LPP: variants seen among roughly 807,000 people sequenced by gnomAD.
LPP encodes the protein LIM domain containing preferred translocation partner in lipoma.
In LPP, 38 loss-of-function variants were observed where a neutral mutation model predicts 60.4. The observed-to-expected ratio is 0.63, with a 90% CI of 0.49 to 0.83. LPP has a LOEUF of 0.83. Among genes scored for constraint, LPP ranks in the 40% least tolerant of loss-of-function variants. LPP has a pLI of 0.00. For missense variants in LPP, 902 were observed against 783.6 expected, an observed-to-expected ratio of 1.15 and a Z score of -1.80; for synonymous variants, 328 against 290.8, an observed-to-expected ratio of 1.13 and a Z score of -1.30.
intron 4 of LPP, among the ~76,000 whole-genome samples, chr3:188,471,331 G>A (rs551936562): frequency 3.0e-4 from 45 of 152,242 alleles, no homozygotes; most frequent in African/African-American, 1.1e-3. Flanking sequence ...AGCAACAGTT[G>A]TATCAAATAC....
intron 1 of LPP, among the ~76,000 whole-genome samples, 29 bp downstream of exon 1, chr3:188,154,281 A>T (rs1451304738): frequency 2.7e-5 from 4 of 149,260 alleles, no homozygotes; most frequent in Non-Finnish European, 6.0e-5. Context: ...CCTTCCCCTC[A>T]CCCTCCACCC....
chr3:188,554,832 A>T (rs1829077538), intron 6 of LPP, among the ~76,000 whole-genome samples: 1 of 152,284 alleles, frequency 6.6e-6, no homozygotes, highest in East Asian at 1.9e-4. Context: ...TTGAAGACTT[A>T]TTGGGTGGCA....
intron 7 of LPP, among the ~76,000 whole-genome samples, chr3:188,680,103 A>C (rs1434622712): frequency 1.3e-5 from 2 of 152,184 alleles, no homozygotes; most frequent in African/African-American, 4.8e-5. Flanking sequence ...ATTTTGAAAA[A>C]TTGCTATTTT....
intron 5 of LPP, among the ~76,000 whole-genome samples, chr3:188,484,952 T>C (rs1805903814): frequency 6.6e-6 from 1 of 152,206 alleles, no homozygotes. Flanking sequence ...CTACTAATTT[T>C]GTTTCAGATC....
rs1327616498 is a variant in LPP at position 188,610,600 on chromosome 3, A to G, written c.1113+756A>G. 6.6e-6 allele frequency among the ~76,000 whole-genome samples: 1 copy of G among 152,248 alleles called. No individual in the cohort carries two copies. The highest frequency in any genetic ancestry group is 1.9e-4 in the East Asian group (1 of 5,204). ...TGTTTAAAAACTCCTTATGAGTGACAGTTACTTCTTATTTGATTTAATTGT... is the reference window on the plus strand; with the variant it reads ...TGTTTAAAAACTCCTTATGAGTGACGGTTACTTCTTATTTGATTTAATTGT... On this transcript the variant is annotated intron_variant, in intron 7 of 11. Transcript: ENST00000617246. The surrounding 1 kb of genome is among the most constrained non-coding windows in gnomAD (Gnocchi z 4.4).
intron 9 of LPP, among the ~76,000 whole-genome samples, chr3:188,830,541 G>A (rs1195409275): frequency 6.6e-6 from 1 of 151,784 alleles, no homozygotes; most frequent in South Asian, 2.1e-4. Context: ...GGAGGCAGAG[G>A]TTGCAGTGAG....
intron 4 of LPP, among the ~76,000 whole-genome samples, chr3:188,407,660 T>C (rs947590934): frequency 2.0e-5 from 3 of 152,252 alleles, no homozygotes; most frequent in African/African-American, 7.2e-5. Flanking sequence ...GAACTGGCTT[T>C]CTTTGACTCA....
At position 188,878,715 on chromosome 3, in the gene LPP, T is replaced by C. The variant is rs547566178; in HGVS notation, c.*4236T>C. 237 of 160,602 alleles carry C rather than the reference T, an allele frequency of 1.5e-3. 1 individual carries two copies. Among genetic ancestry groups the C allele is most frequent in the African/African-American group, 7.5e-3 (233 of 31,220 alleles). 9.9% of individuals were successfully genotyped at this position (160,602 alleles called of 1,614,324 possible). ...ACTGAAGAGTCAATGATGTAAATGA[T>C]AACCACCAAATCTCAAAAATATACT... On this transcript the variant is annotated 3_prime_UTR_variant, in exon 12 of 12. Coordinates refer to ENST00000617246, the MANE Select transcript of LPP (RefSeq NM_001375462.1).
intron 7 of LPP, among the ~76,000 whole-genome samples, chr3:188,697,097 TTGTC>T (rs1327387170): frequency 6.6e-6 from 1 of 152,214 alleles, no homozygotes; most frequent in Non-Finnish European, 1.5e-5. Flanking sequence ...CTTAGGCACT[TTGTC>T]TGCCTCCCTG....
At chr3:188,659,738 A>G (rs1854136301) in intron 7 of LPP, among the ~76,000 whole-genome samples, 1 of 152,050 alleles carries the variant, frequency 6.6e-6, no homozygotes, top group Non-Finnish European at 1.5e-5. Flanking sequence ...CCCATTGTGC[A>G]TATGAATATT....
At chr3:188,240,753 A>G (rs557826638) in intron 2 of LPP, among the ~76,000 whole-genome samples, 3 of 152,252 alleles carry the variant, frequency 2.0e-5, no homozygotes, top group Middle Eastern at 3.4e-3. Flanking sequence ...TGGGAGGAGC[A>G]TGGCAAGGGA....
At chr3:188,625,194 T>G (rs1020709620) in intron 7 of LPP, among the ~76,000 whole-genome samples, 2 of 152,138 alleles carry the variant, frequency 1.3e-5, no homozygotes, top group Non-Finnish European at 2.9e-5. Flanking sequence ...GATGGGAAAT[T>G]CATTGATATT....
chr3:188,717,408 GC>G (rs1271267945), intron 8 of LPP, among the ~76,000 whole-genome samples: 1 of 152,192 alleles, frequency 6.6e-6, no homozygotes, highest in Non-Finnish European at 1.5e-5. Context: ...TTTCCAAAGT[GC>G]TTCTATCAAT....
intron 6 of LPP, among the ~76,000 whole-genome samples, chr3:188,596,084 T>G (rs959985175): frequency 6.6e-6 from 1 of 152,156 alleles, no homozygotes; most frequent in Non-Finnish European, 1.5e-5. Flanking sequence ...TAGACATGGA[T>G]TTGGCACAGG....
At chr3:188,455,738 T>C (rs1797592090) in intron 4 of LPP, among the ~76,000 whole-genome samples, 1 of 152,130 alleles carries the variant, frequency 6.6e-6, no homozygotes, top group Non-Finnish European at 1.5e-5. Flanking sequence ...TCTCAGTACT[T>C]ACCCTATAAA....
Position 188,563,474 on chromosome 3 carries a change from G to GTGTGTGTGTGTGTGTGTGTGTGTT in LPP, c.429+38699_429+38700insTGTGTGTGTGTTTGTGTGTGTGTG, listed in dbSNP as rs1553929590. On this transcript the variant is annotated intron_variant, in intron 6 of 11. Transcript: ENST00000617246. ...TTTACATATATATGTGTGTGTGTGT[G>GTGTGTGTGTGTGTGTGTGTGTGTT]TGTGTGTGTGTGGTATATTATCTAT... Among the ~76,000 whole-genome samples, 4 of 149,028 alleles carry GTGTGTGTGTGTGTGTGTGTGTGTT rather than the reference G, an allele frequency of 2.7e-5. No individual in the cohort carries two copies. In the East Asian group the frequency reaches 6.1e-4, roughly 23 times the overall value.
chr3:188,310,141 G>A (rs941345297), intron 2 of LPP, among the ~76,000 whole-genome samples: 5 of 151,838 alleles, frequency 3.3e-5, no homozygotes, highest in African/African-American at 1.2e-4. Context: ...ATCTCTTTAA[G>A]TCATTGTGTT....
intron 9 of LPP, among the ~76,000 whole-genome samples, chr3:188,804,800 T>C (rs1227048336): frequency 6.6e-6 from 1 of 152,048 alleles, no homozygotes; most frequent in Non-Finnish European, 1.5e-5. Flanking sequence ...ACATTGAGTC[T>C]TTTGCCATTA....
intron 9 of LPP, among the ~76,000 whole-genome samples, chr3:188,783,871 C>CAGTA (rs560658850): frequency 8.8e-4 from 134 of 152,162 alleles, no homozygotes; most frequent in Admixed American, 1.9e-3. Flanking sequence ...CTTGATATCT[C>CAGTA]ATTCTTACAA....
Sources: gnomAD v4.1 joint callset for allele counts (sites outside exome capture counted in the v4.1 genomes callset) on GRCh38, gnomAD v4.1.1 for gene constraint, Gnocchi (gnomAD v3.1) non-coding constraint, MANE v1.5 for transcripts, NCBI Gene and HGNC (gene_info 2026-07-23, HGNC 2026-07-21) for gene names.